NDST1: variants seen among roughly 807,000 people sequenced by gnomAD.
The protein encoded by NDST1 is N-deacetylase and N-sulfotransferase 1.
NDST1 carries 35 observed loss-of-function variants against 92.8 expected under a neutral mutation model. The observed-to-expected ratio is 0.38, with a 90% CI of 0.29 to 0.50. The LOEUF (loss-of-function observed/expected upper bound fraction) is 0.50, where lower values mean the gene tolerates loss of function less well. NDST1 is among the 20% of genes least tolerant of loss of function. The pLI, the probability that NDST1 is intolerant of heterozygous loss-of-function variation, is 0.94. For synonymous variants in NDST1, 493 were observed against 500.3 expected (o/e 0.99, Z 0.19); for missense variants, 822 against 1,182.7 (o/e 0.69, Z 4.47).
At position 150,521,335 on chromosome 5, in the gene NDST1, C is replaced by T; in HGVS notation, c.81C>T (p.Cys27=). 1 of 1,613,480 alleles carries T rather than the reference C, an allele frequency of 6.2e-7. No homozygotes were observed. The highest frequency in any genetic ancestry group is 8.5e-7 in the Non-Finnish European group (1 of 1,179,926). The change falls in exon 2 of 15, where the codon TGC becomes TGT. Residue 27 remains cysteine (C), a synonymous_variant. Transcript: ENST00000261797. This position sits in a 1 kb window ranked among gnomAD's most constrained non-coding sequence, Gnocchi z 5.9. The part of the protein sequence containing the change: ...QAVLFLLFIF[C]LFSVFISAYY... ...TCCTTTTCCTGCTGTTCATCTTCTGCCTGTTCAGCGTTTTCATCTCGGCCT... is the reference window on the plus strand; with the variant it reads ...TCCTTTTCCTGCTGTTCATCTTCTGTCTGTTCAGCGTTTTCATCTCGGCCT...
chr5:150,528,404 G>C lies in NDST1; in HGVS notation c.1008+106G>C, dbSNP rs1442864021. On this transcript the variant is annotated intron_variant, in intron 3 of 14. Coordinates refer to ENST00000261797, the MANE Select transcript of NDST1 (RefSeq NM_001543.5). The stretch of plus-strand genomic sequence containing the variant: ...CCCTGTCTGCATCTCCCCTATGCTG[G>C]GAGTTACTTAAAAGACAGTCCCACT... 30 of 1,313,518 alleles carry C rather than the reference G, an allele frequency of 2.3e-5. No homozygotes were observed. In the Admixed American group the frequency reaches 2.5e-4, roughly 11 times the overall value. The allele number at this position is 1,313,518 out of a possible 1,614,324, so 81.4% of individuals were successfully genotyped here. A position where few individuals can be genotyped will look rare whatever the true frequency, so the allele number is the denominator to read the frequency against.
At chr5:150,548,674 C>G (rs970333553) in intron 12 of NDST1, among the ~76,000 whole-genome samples, 1 of 151,982 alleles carries the variant, frequency 6.6e-6, no homozygotes, top group Non-Finnish European at 1.5e-5. Context: ...GTAGCTGGGA[C>G]TACAGGTGTG....
intron 2 of NDST1, 111 bp from the exon 3 acceptor site, chr5:150,527,693 A>T: frequency 6.6e-7 from 1 of 1,509,970 alleles, no homozygotes; most frequent in South Asian, 1.2e-5. Context: ...GCCCTCCATG[A>T]ATGTTGGTGA....
upstream of NDST1, among the ~76,000 whole-genome samples, chr5:150,503,842 C>G (rs1195106544): frequency 4.6e-5 from 7 of 152,206 alleles, no homozygotes; most frequent in Admixed American, 4.6e-4. Flanking sequence ...CTATAGGACC[C>G]CTTGTCTCTA....
intron 5 of NDST1, chr5:150,535,341 G>A (rs566636331): frequency 5.1e-6 from 5 of 985,444 alleles, no homozygotes; most frequent in South Asian, 4.7e-5. Flanking sequence ...GCTGGAAGAG[G>A]TGGTCAATGA....
chr5:150,505,622 G>A (rs1753417633), upstream of NDST1, among the ~76,000 whole-genome samples: 1 of 152,202 alleles, frequency 6.6e-6, no homozygotes, highest in South Asian at 2.1e-4. Flanking sequence ...CGTGGTGACT[G>A]ACAGGTTATC....
At chr5:150,547,927 A>G (rs1581409503) in intron 11 of NDST1, among the ~76,000 whole-genome samples, 1 of 151,928 alleles carries the variant, frequency 6.6e-6, no homozygotes, top group African/African-American at 2.4e-5. Flanking sequence ...CAAGTGATCC[A>G]CCCACCCCAG....
chr5:150,526,946 C>A (rs1052196491), intron 2 of NDST1, among the ~76,000 whole-genome samples: 14 of 152,270 alleles, frequency 9.2e-5, no homozygotes, highest in Admixed American at 7.8e-4. Flanking sequence ...AGAGACTTCA[C>A]CACTGATGGC....
At chr5:150,512,568 A>T (rs1452326570) in intron 1 of NDST1, among the ~76,000 whole-genome samples, 1 of 152,190 alleles carries the variant, frequency 6.6e-6, no homozygotes, top group East Asian at 1.9e-4. Flanking sequence ...TCCTTCCTGG[A>T]TCCCATTCTC....
chr5:150,509,353 T>G (rs1753612937), intron 1 of NDST1, among the ~76,000 whole-genome samples: 1 of 152,066 alleles, frequency 6.6e-6, no homozygotes, highest in South Asian at 2.1e-4. Context: ...ATAAATGAAG[T>G]GAGGGTTGGG....
At chr5:150,526,003 C>T (rs1754459861) in intron 2 of NDST1, among the ~76,000 whole-genome samples, 1 of 152,236 alleles carries the variant, frequency 6.6e-6, no homozygotes, top group African/African-American at 2.4e-5. Context: ...CTCCAGCTGA[C>T]CTATCTGCCT....
intron 11 of NDST1, among the ~76,000 whole-genome samples, 197 bp from the exon 12 acceptor site, chr5:150,548,021 A>G (rs575116983): frequency 3.0e-4 from 45 of 152,086 alleles, no homozygotes; most frequent in Non-Finnish European, 4.0e-4. Context: ...CCGTATTTCA[A>G]AGATGGAGAA....
chr5:150,538,511 G>T (rs567874208), intron 6 of NDST1, among the ~76,000 whole-genome samples: 1 of 152,344 alleles, frequency 6.6e-6, no homozygotes, highest in South Asian at 2.1e-4. Flanking sequence ...GCTTAGAATA[G>T]TTAGGCCTGT....
intron 1 of NDST1, among the ~76,000 whole-genome samples, chr5:150,498,978 A>T (rs1753115233): frequency 6.6e-6 from 1 of 151,966 alleles, no homozygotes; most frequent in South Asian, 2.1e-4. Flanking sequence ...CTAGAGGTAC[A>T]CCCCACTCCC....
At chr5:150,539,758 G>A (rs1009628081) in intron 7 of NDST1, 1 of 985,202 alleles carries the variant, frequency 1.0e-6, no homozygotes, top group African/African-American at 1.7e-5. Flanking sequence ...AACTTCAAGT[G>A]GTGGTTGTTA....
Position 150,528,299 on chromosome 5 carries a change from G to A in NDST1, c.1008+1G>A, listed in dbSNP as rs538973569. On this transcript the variant is annotated splice_donor_variant, in intron 3 of 14. Coordinates refer to ENST00000261797, the MANE Select transcript of NDST1 (RefSeq NM_001543.5). LOFTEE classifies it high-confidence loss of function. ...ACGCATGAAGGTGGAGGACGTGAAG[G>A]TATGGCCGGGGGTGCTAGACCGGGC... 1.9e-6 allele frequency: 3 copies of A among 1,588,964 alleles called. No individual in the cohort carries two copies. Among genetic ancestry groups the A allele is most frequent in the South Asian group, 1.1e-5 (1 of 87,824 alleles).
intron 2 of NDST1, among the ~76,000 whole-genome samples, chr5:150,522,440 G>A (rs191989510): frequency 5.3e-5 from 8 of 152,204 alleles, no homozygotes; most frequent in Admixed American, 2.0e-4. Context: ...TGTCCTTGGC[G>A]GGGGGAGGTT....
chr5:150,548,001 C>T (rs1166901711), intron 11 of NDST1, among the ~76,000 whole-genome samples: 2 of 152,140 alleles, frequency 1.3e-5, no homozygotes, highest in Non-Finnish European at 2.9e-5. Context: ...ACCCTGATTT[C>T]GTCCAGTTCC....
Position 150,553,499 on chromosome 5 carries a change from G to A in NDST1, c.*167G>A. On this transcript the variant is annotated 3_prime_UTR_variant, in exon 15 of 15. Coordinates refer to ENST00000261797, the MANE Select transcript of NDST1 (RefSeq NM_001543.5). The surrounding 1 kb of genome is among the most constrained non-coding windows in gnomAD (Gnocchi z 4.2). ...GGGGAGCACCCAGGCGGATCTGCAAGCACCTCGGAGCACCCACCGCTGGGT... is the reference window on the plus strand; with the variant it reads ...GGGGAGCACCCAGGCGGATCTGCAAACACCTCGGAGCACCCACCGCTGGGT... 1 of 873,394 alleles carries A rather than the reference G, an allele frequency of 1.1e-6. No individual in the cohort carries two copies. Among genetic ancestry groups the A allele is most frequent in the Admixed American group, 1.8e-5 (1 of 54,850 alleles). 54.1% of individuals were successfully genotyped at this position (873,394 alleles called of 1,614,324 possible).
Sources: gnomAD v4.1 joint callset for allele counts (sites outside exome capture counted in the v4.1 genomes callset) on GRCh38, gnomAD v4.1.1 for gene constraint, Gnocchi (gnomAD v3.1) non-coding constraint, MANE v1.5 for transcripts, NCBI Gene and HGNC (gene_info 2026-07-23, HGNC 2026-07-21) for gene names.